The following SLIT3 variants were observed in gnomAD, a reference collection of about 807,000 sequenced individuals.
The protein encoded by SLIT3 is slit guidance ligand 3.
A neutral mutation model predicts 184.0 loss-of-function variants in SLIT3; 68 were observed. The ratio of observed to expected loss-of-function variants is 0.37; its 90% CI spans 0.30 to 0.45. The LOEUF (loss-of-function observed/expected upper bound fraction) is 0.45, where lower values mean the gene tolerates loss of function less well. SLIT3 is among the 20% of genes least tolerant of loss of function. The probability of loss-of-function intolerance (pLI) is 1.00; values close to 1 mark genes in which losing one functional copy is unlikely to be tolerated. For missense variants in SLIT3, 1,707 were observed against 2,026.0 expected (o/e 0.84, Z 3.02); for synonymous variants, 831 against 828.6 (o/e 1.00, Z -0.05).
At chr5:169,196,630 C>T (rs997415648) in intron 3 of SLIT3, among the ~76,000 whole-genome samples, 3 of 152,142 alleles carry the variant, frequency 2.0e-5, no homozygotes, top group Non-Finnish European at 2.9e-5. Context: ...GTCAAGCCAT[C>T]CCCAAGGCCA....
intron 1 of SLIT3, among the ~76,000 whole-genome samples, chr5:169,255,398 T>C (rs980802001): frequency 5.3e-5 from 8 of 152,170 alleles, no homozygotes; most frequent in African/African-American, 1.9e-4. Flanking sequence ...GTGAGATGGA[T>C]GATCCTGACC....
intron 10 of SLIT3, chr5:168,792,387 T>G (rs943658826): frequency 6.6e-6 from 1 of 152,240 alleles, no homozygotes. Flanking sequence ...AATCTGTATA[T>G]GTAACACATC....
In SLIT3 at chr5:169,241,558, G is replaced by A. The variant is rs577989404; in HGVS notation, c.341+3147C>T. On this transcript the variant is annotated intron_variant, in intron 3 of 35. Transcript: ENST00000519560. ...TCTAAACATTACCAAGTGTCCTCTG[G>A]AAGGCAAAATTAGGCCCAGCTTAGA... Among the ~76,000 whole-genome samples the A allele has an allele frequency of 4.9e-4, 74 of 152,252 alleles. No homozygotes were observed. In the South Asian group the frequency reaches 0.012, roughly 24 times the overall value.
intron 3 of SLIT3, among the ~76,000 whole-genome samples, chr5:169,227,238 C>T (rs184774981): frequency 6.6e-6 from 1 of 152,262 alleles, no homozygotes; most frequent in African/African-American, 2.4e-5. Context: ...CATTCTTGGA[C>T]AAGATTTATA....
chr5:169,281,440 C>T (rs575183481), intron 1 of SLIT3, among the ~76,000 whole-genome samples: 22 of 152,326 alleles, frequency 1.4e-4, no homozygotes, highest in Admixed American at 5.9e-4. Flanking sequence ...GGCGCCACTG[C>T]ACTCCAGCAT....
Position 168,671,458 on chromosome 5 carries a change from A to G in SLIT3, c.3867T>C (p.Ser1289=), listed in dbSNP as rs292486. The change falls in exon 34 of 36, where the codon TCT becomes TCC. Residue 1289 remains serine (S), a synonymous_variant. Coordinates refer to ENST00000519560, the MANE Select transcript of SLIT3 (RefSeq NM_003062.4). ...GCCGGTCCGTGCCCTGGCGCAAGGC[A>G]GAGAGGCCGGTGGAGGTGGGGATGC... ...LGGIPTSTGL[S]ALRQGTDRPL... is the part of the protein sequence containing the mutation. 0.97 allele frequency: 1,560,952 copies of G among 1,612,538 alleles called. 755,652 individuals are homozygous for G. The highest frequency in any genetic ancestry group is 1 in the East Asian group (44,801 of 44,806).
intron 1 of SLIT3, among the ~76,000 whole-genome samples, chr5:169,281,874 T>TC (rs200226179): frequency 1.5e-3 from 107 of 71,140 alleles, no homozygotes; most frequent in Middle Eastern, 9.1e-3. Context: ...AGAGGTAATT[T>TC]TCCCCCCCAG....
At chr5:169,200,701 C>T (rs894763876) in intron 3 of SLIT3, among the ~76,000 whole-genome samples, 1 of 152,202 alleles carries the variant, frequency 6.6e-6, no homozygotes, top group Non-Finnish European at 1.5e-5. Context: ...GAGTAGAGAT[C>T]CTTGATCTGG....
At chr5:168,667,381 T>C (rs1203109072) in intron 35 of SLIT3, among the ~76,000 whole-genome samples, 4 of 152,232 alleles carry the variant, frequency 2.6e-5, no homozygotes, top group Non-Finnish European at 5.9e-5. Context: ...AAGACATTTG[T>C]ATTCAAAAGG....
chr5:169,255,325 G>T (rs1196985633), intron 1 of SLIT3, among the ~76,000 whole-genome samples: 5 of 152,196 alleles, frequency 3.3e-5, no homozygotes, highest in African/African-American at 9.7e-5. Flanking sequence ...AGAGATGACA[G>T]CTCCATGTGT....
chr5:168,715,117 C>T (rs528630851), intron 23 of SLIT3, among the ~76,000 whole-genome samples: 11 of 152,136 alleles, frequency 7.2e-5, no homozygotes, highest in African/African-American at 2.7e-4. Flanking sequence ...GGTTAAGAAC[C>T]CAAGGCTCTG....
intron 3 of SLIT3, among the ~76,000 whole-genome samples, chr5:169,234,580 T>A (rs1444823774): frequency 6.6e-6 from 1 of 152,094 alleles, no homozygotes; most frequent in Non-Finnish European, 1.5e-5. Flanking sequence ...ATTTTTTTTT[T>A]ATTTTTGGTA....
chr5:169,178,484 C>T (rs1763049302), intron 4 of SLIT3, among the ~76,000 whole-genome samples: 2 of 152,182 alleles, frequency 1.3e-5, no homozygotes, highest in African/African-American at 2.4e-5. Context: ...CAGAGCTTGG[C>T]ACAGAATGGA....
At chr5:168,766,811 A>G (rs927535039) in intron 14 of SLIT3, among the ~76,000 whole-genome samples, 2 of 152,260 alleles carry the variant, frequency 1.3e-5, no homozygotes, top group African/African-American at 4.8e-5. Context: ...TTGTATGTCC[A>G]TGCTGGAGAG....
rs868256259 is a variant in SLIT3 at position 169,056,114 on chromosome 5, G to C, written c.413+137365C>G. On this transcript the variant is annotated intron_variant, in intron 4 of 35. Transcript: ENST00000519560. ...TAGAAGTCCAGGAACAAGATGAAGG[G>C]GCTCGGAGGAGGCAGTGGAGTGGGG... Among the ~76,000 whole-genome samples the C allele has an allele frequency of 1.3e-5, 2 of 152,194 alleles. 1 individual carries two copies. Among genetic ancestry groups the C allele is most frequent in the Middle Eastern group, 6.8e-3 (2 of 294 alleles).
chr5:169,078,334 T>C (rs906241076), intron 4 of SLIT3, among the ~76,000 whole-genome samples: 1 of 152,176 alleles, frequency 6.6e-6, no homozygotes, highest in African/African-American at 2.4e-5. Context: ...TCATGTCGTT[T>C]TGTACCTAAG....
At chr5:168,694,785 A>AT (rs1197875525) in intron 28 of SLIT3, among the ~76,000 whole-genome samples, 1 of 152,006 alleles carries the variant, frequency 6.6e-6, no homozygotes, top group Non-Finnish European at 1.5e-5. Flanking sequence ...TGCCCAGCTA[A>AT]TTTTTGTATT....
chr5:169,270,542 A>G (rs1162085020), intron 1 of SLIT3, among the ~76,000 whole-genome samples: 1 of 152,206 alleles, frequency 6.6e-6, no homozygotes, highest in Admixed American at 6.5e-5. Context: ...TACATTGTCT[A>G]TGGCTGCCTT....
At chr5:169,105,164 G>A (rs527423817) in intron 4 of SLIT3, among the ~76,000 whole-genome samples, 2 of 152,146 alleles carry the variant, frequency 1.3e-5, no homozygotes, top group Non-Finnish European at 2.9e-5. Flanking sequence ...CTCATGGCTC[G>A]TGGGTTCAGG....
Sources: allele counts gnomAD v4.1 joint callset (sites outside exome capture counted in the v4.1 genomes callset), GRCh38; gene constraint gnomAD v4.1.1; transcripts MANE v1.5; gene names NCBI Gene and HGNC (gene_info 2026-07-23, HGNC 2026-07-21).